Variants in WDPCP observed in about 807,000 individuals in gnomAD.
WDPCP encodes the protein WD repeat-containing and planar cell polarity effector protein fritz homolog.
Under a neutral mutation model 93.1 loss-of-function variants are expected in WDPCP, and 71 were observed. The ratio of observed to expected loss-of-function variants is 0.76; its 90% CI spans 0.63 to 0.93. WDPCP has a LOEUF of 0.93. Among genes scored for constraint, WDPCP ranks in the 40% least tolerant of loss-of-function variants. The probability of loss-of-function intolerance (pLI) is 0.00; values close to 1 mark genes in which losing one functional copy is unlikely to be tolerated. For missense variants in WDPCP, 844 were observed against 887.4 expected (o/e 0.95, Z 0.62); for synonymous variants, 315 against 315.0 (o/e 1.00, Z 0.00).
chr2:63,138,540 TC>T (rs1358120157), intron 17 of WDPCP, among the ~76,000 whole-genome samples: 1 of 150,132 alleles, frequency 6.7e-6, no homozygotes, highest in East Asian at 2.0e-4. Flanking sequence ...CAGGCTCCGC[TC>T]CCCGGGGTTC....
At chr2:63,541,421 CATT>C (rs1704716504) in intron 1 of WDPCP, among the ~76,000 whole-genome samples, 1 of 152,104 alleles carries the variant, frequency 6.6e-6, no homozygotes, top group Non-Finnish European at 1.5e-5. Context: ...TTTCATTTCA[CATT>C]ATTCTTAATT....
At chr2:63,521,404 C>T (rs1248204661) in intron 1 of WDPCP, among the ~76,000 whole-genome samples, 2 of 152,002 alleles carry the variant, frequency 1.3e-5, no homozygotes, top group African/African-American at 2.4e-5. Flanking sequence ...CAGGGGGTTG[C>T]TATCTAATTT....
intron 6 of WDPCP, among the ~76,000 whole-genome samples, chr2:63,466,412 G>A (rs1006474798): frequency 4.6e-5 from 7 of 151,858 alleles, no homozygotes; most frequent in African/African-American, 9.7e-5. Context: ...TATATAAAAC[G>A]TAATATTCTC....
At chr2:63,663,366 T>C (rs1710249232) in intron 2 of WDPCP, among the ~76,000 whole-genome samples, 3 of 152,202 alleles carry the variant, frequency 2.0e-5, no homozygotes, top group African/African-American at 4.8e-5. Flanking sequence ...TGGAACTTTA[T>C]AAAACCAGTT....
intron 13 of WDPCP, among the ~76,000 whole-genome samples, chr2:63,294,088 C>T (rs901371617): frequency 5.3e-5 from 8 of 151,770 alleles, no homozygotes; most frequent in Non-Finnish European, 8.8e-5. Flanking sequence ...AATACAAAGA[C>T]AAAGGGAATG....
chr2:63,394,968 T>C (rs1049098523), intron 10 of WDPCP, among the ~76,000 whole-genome samples: 2 of 152,072 alleles, frequency 1.3e-5, no homozygotes, highest in African/African-American at 2.4e-5. Context: ...CGAAATAATC[T>C]GTACACCAAA....
At chr2:63,600,073 A>G (rs555173922) in intron 3 of WDPCP, 1 of 152,164 alleles carries the variant, frequency 6.6e-6, no homozygotes, top group East Asian at 1.9e-4. Flanking sequence ...CTATGAGTTC[A>G]GTGCTTTTTC....
the WDPCP span, among the ~76,000 whole-genome samples, chr2:63,839,340 A>G: frequency 1.3e-5 from 2 of 152,172 alleles, no homozygotes; most frequent in Non-Finnish European, 2.9e-5. Flanking sequence ...CAGGCGGATC[A>G]CAAGGTCAGG....
At chr2:63,314,893 T>C (rs1466964520) in intron 12 of WDPCP, among the ~76,000 whole-genome samples, 1 of 152,072 alleles carries the variant, frequency 6.6e-6, no homozygotes, top group East Asian at 1.9e-4. Flanking sequence ...CAAACTGAAA[T>C]TGGAGAGAGT....
chr2:63,236,777 T>C (rs1371381155), intron 14 of WDPCP, among the ~76,000 whole-genome samples: 4 of 152,172 alleles, frequency 2.6e-5, no homozygotes, highest in African/African-American at 9.6e-5. Context: ...GCTAGCCATA[T>C]GCAGAAGAAT....
intron 9 of WDPCP, among the ~76,000 whole-genome samples, chr2:63,433,222 G>A (rs1696891415): frequency 6.6e-6 from 1 of 152,156 alleles, no homozygotes; most frequent in Non-Finnish European, 1.5e-5. Context: ...GGTCTGGCAC[G>A]ACAGGGCCTT....
At chr2:63,421,169 T>C (rs1003843291) in intron 9 of WDPCP, among the ~76,000 whole-genome samples, 1 of 152,210 alleles carries the variant, frequency 6.6e-6, no homozygotes, top group African/African-American at 2.4e-5. Context: ...TTGTAATCGT[T>C]TTCAATGAAA....
At chr2:63,276,136 A>G (rs1683072022) in intron 13 of WDPCP, among the ~76,000 whole-genome samples, 1 of 152,056 alleles carries the variant, frequency 6.6e-6, no homozygotes, top group African/African-American at 2.4e-5. Context: ...AAAAACAATC[A>G]CTGCAGTTCC....
intron 2 of WDPCP, among the ~76,000 whole-genome samples, chr2:63,802,281 TAAAAAAAAAAAAAAAAAA>T (rs58717654): frequency 0.011 from 602 of 54,384 alleles, 25 homozygotes; most frequent in Admixed American, 0.051. Context: ...CCCTCTCTCT[TAAAAAAAAAAAAAAAAAA>T]AAAAAAAAAA....
intron 15 of WDPCP, 77 bp downstream of exon 15, chr2:63,174,593 C>T: frequency 3.2e-6 from 5 of 1,578,314 alleles, no homozygotes; most frequent in South Asian, 1.1e-5. Context: ...AATATTCTTG[C>T]TTTGCTATTA....
chr2:63,124,849 G>A (rs1049653898), intron 17 of WDPCP, among the ~76,000 whole-genome samples: 6 of 151,128 alleles, frequency 4.0e-5, no homozygotes, highest in African/African-American at 1.5e-4. Flanking sequence ...TTATAATTTT[G>A]TTCGTATTTC....
At chr2:63,581,316 G>C (rs891636687) in intron 1 of WDPCP, among the ~76,000 whole-genome samples, 1 of 152,210 alleles carries the variant, frequency 6.6e-6, no homozygotes, top group Non-Finnish European at 1.5e-5. Flanking sequence ...CCTGGAGAGG[G>C]AGAATCATAC....
rs374189367 is a variant in WDPCP, at chr2:63,404,494, G to A, written c.989C>T (p.Ser330Leu). ...TGACTTTAGTGGTATTCTGGTGACTGACACACACTGGATTTTATTCCGAAT... is the reference window on the plus strand; with the variant it reads ...TGACTTTAGTGGTATTCTGGTGACTAACACACACTGGATTTTATTCCGAAT... ...ECIRNKIQCV[S>L]VTRIPLKSKA... Residue 330 changes from serine (S) to leucine (L), a missense_variant, in exon 10 of 18, where the codon TCA becomes TTA. Transcript: ENST00000272321. 5 of 1,613,906 alleles carry A rather than the reference G, an allele frequency of 3.1e-6. No homozygotes were observed. Among genetic ancestry groups the A allele is most frequent in the Non-Finnish European group, 3.4e-6 (4 of 1,179,966 alleles).
At chr2:63,752,296 T>A in intron 2 of WDPCP, 1 of 841,050 alleles carries the variant, frequency 1.2e-6, no homozygotes, top group Non-Finnish European at 2.0e-6. Context: ...CTTCAGTGTC[T>A]TCTTTAATGC....
Sources: gnomAD v4.1 joint callset for allele counts (sites outside exome capture counted in the v4.1 genomes callset) on GRCh38, gnomAD v4.1.1 for gene constraint, MANE v1.5 for transcripts, NCBI Gene and HGNC (gene_info 2026-07-23, HGNC 2026-07-21) for gene names.